The following DNAI3 variants were observed in gnomAD, a reference collection of about 807,000 sequenced individuals.
DNAI3 encodes the protein WD repeat domain 63.
DNAI3 carries 83 observed loss-of-function variants against 115.5 expected under a neutral mutation model. The observed-to-expected ratio is 0.72, with a 90% CI of 0.60 to 0.86. The LOEUF is 0.86. Ranked by LOEUF, DNAI3 falls within the 40% of genes least tolerant of loss-of-function variation. DNAI3 has a pLI of 0.00. For missense variants in DNAI3, 1,004 were observed against 1,075.8 expected (o/e 0.93, Z 0.93); for synonymous variants, 320 against 347.0 (o/e 0.92, Z 0.86).
At chr1:85,126,777 TC>T in intron 20 of DNAI3, 62 bp downstream of exon 20, 1 of 1,579,060 alleles carries the variant, frequency 6.3e-7, no homozygotes, top group South Asian at 1.1e-5. Context: ...ATCTTGACAT[TC>T]ATCTGAAAAG....
Position 85,098,673 on chromosome 1 carries a change from C to T in DNAI3, c.1479+15C>T, listed in dbSNP as rs1655199276. On this transcript the variant is annotated intron_variant, in intron 13 of 22. Coordinates refer to ENST00000294664, the MANE Select transcript of DNAI3 (RefSeq NM_145172.5). Reference sequence around the variant, plus strand: ...ACACATTTGAGGTGAGACTTGATGGCCTTATACTTTTCTCCTGCTGAATTA... The same window carrying T: ...ACACATTTGAGGTGAGACTTGATGGTCTTATACTTTTCTCCTGCTGAATTA... The T allele has an allele frequency of 1.2e-6, 2 of 1,607,524 alleles. No homozygotes were observed. Among genetic ancestry groups the T allele is most frequent in the Non-Finnish European group, 1.7e-6 (2 of 1,178,082 alleles).
intron 19 of DNAI3, among the ~76,000 whole-genome samples, chr1:85,124,544 G>T (rs1165100229): frequency 6.6e-6 from 1 of 152,040 alleles, no homozygotes; most frequent in Non-Finnish European, 1.5e-5. Context: ...ATTTTTTGGG[G>T]GTGGGGGCCA....
intron 9 of DNAI3, 31 bp downstream of exon 9, chr1:85,093,679 G>C: frequency 6.2e-7 from 1 of 1,612,412 alleles, no homozygotes; most frequent in Non-Finnish European, 8.5e-7. Context: ...ATTCCCTTTT[G>C]TGATAACATT....
At chr1:85,110,207 T>G (rs1442934571) in intron 16 of DNAI3, 72 bp downstream of exon 16, 46 of 1,378,234 alleles carry the variant, frequency 3.3e-5, no homozygotes, top group Non-Finnish European at 4.5e-5. Context: ...ATCCCAGCAC[T>G]TCGGGAGGCT....
chr1:85,079,739 C>T (rs530214633), intron 3 of DNAI3, among the ~76,000 whole-genome samples: 35 of 152,178 alleles, frequency 2.3e-4, no homozygotes, highest in Admixed American at 1.1e-3. Context: ...TCCACCCTCC[C>T]AGGGCATGCT....
In DNAI3 at chr1:85,071,923, TGCA is replaced by T. The variant is rs752647474; in HGVS notation, c.-14-2_-14del. 2.5e-6 allele frequency: 4 copies of T among 1,602,110 alleles called. No individual in the cohort carries two copies. In the Admixed American group the frequency reaches 7.2e-5, roughly 29 times the overall value. On this transcript the variant is annotated splice_acceptor_variant and splice_polypyrimidine_tract_variant and intron_variant, in intron 1 of 22. Coordinates refer to ENST00000294664, the MANE Select transcript of DNAI3 (RefSeq NM_145172.5). LOFTEE classifies it low-confidence loss of function (5UTR_SPLICE). ...ATTTACTAATAATATCATCTCTTTA[TGCA>T]GCCCAAGTCAGAACCATGGCTCCAA...
Position 85,086,528 on chromosome 1 carries a change from C to T in DNAI3, c.740+498C>T, listed in dbSNP as rs77493278. 3.5e-3 allele frequency among the ~76,000 whole-genome samples: 528 copies of T among 152,262 alleles called. 5 individuals are homozygous for T. The highest frequency in any genetic ancestry group is 0.012 in the African/African-American group (502 of 41,536). On this transcript the variant is annotated intron_variant, in intron 7 of 22. Transcript: ENST00000294664. ...TCTCCAGTCCCATCATCCCTTGTTCCTAAACAAGCTCTCTGTGTGCCAGCC... is the reference window on the plus strand; with the variant it reads ...TCTCCAGTCCCATCATCCCTTGTTCTTAAACAAGCTCTCTGTGTGCCAGCC...
intron 8 of DNAI3, 60 bp from the exon 9 acceptor site, chr1:85,093,398 T>A: frequency 6.7e-7 from 1 of 1,492,946 alleles, no homozygotes. Context: ...GCTAAGATAG[T>A]CACATTATTG....
chr1:85,131,073 T>C (rs912308104), intron 22 of DNAI3, among the ~76,000 whole-genome samples: 1 of 152,200 alleles, frequency 6.6e-6, no homozygotes, highest in African/African-American at 2.4e-5. Context: ...TCATCATTGA[T>C]CTCATCTGTA....
chr1:85,084,278 A>ATATATATACC (rs1553165786), intron 5 of DNAI3, among the ~76,000 whole-genome samples: 1 of 30,208 alleles, frequency 3.3e-5, no homozygotes. Flanking sequence ...ATATATATAT[A>ATATATATACC]CACATCCATA....
intron 21 of DNAI3, among the ~76,000 whole-genome samples, chr1:85,129,558 T>C (rs920422826): frequency 4.6e-5 from 7 of 151,908 alleles, no homozygotes; most frequent in South Asian, 4.2e-4. Flanking sequence ...CTAAGTTTGA[T>C]TGATGATATG....
chr1:85,091,805 G>T (rs530377563), intron 8 of DNAI3, among the ~76,000 whole-genome samples: 2 of 152,134 alleles, frequency 1.3e-5, no homozygotes, highest in Non-Finnish European at 2.9e-5. Context: ...TGTTACTCTC[G>T]GGAGCTACAT....
chr1:85,125,528 A>G (rs1656107102), intron 19 of DNAI3, among the ~76,000 whole-genome samples: 1 of 109,714 alleles, frequency 9.1e-6, no homozygotes, highest in African/African-American at 2.8e-5. Flanking sequence ...GTACTTCTGT[A>G]TGTTTGATTT....
intron 16 of DNAI3, among the ~76,000 whole-genome samples, chr1:85,116,868 G>GTT (rs1655835725): frequency 6.6e-6 from 1 of 152,132 alleles, no homozygotes; most frequent in Non-Finnish European, 1.5e-5. Flanking sequence ...AACAAAGAGA[G>GTT]TATTGGTTGA....
chr1:85,088,246 A>G (rs1654855391), intron 7 of DNAI3, among the ~76,000 whole-genome samples: 1 of 152,178 alleles, frequency 6.6e-6, no homozygotes, highest in South Asian at 2.1e-4. Flanking sequence ...CTCAGTAGGT[A>G]GACTCAGAAT....
intron 13 of DNAI3, among the ~76,000 whole-genome samples, chr1:85,099,863 C>CAAT (rs1056626114): frequency 2.0e-5 from 3 of 152,086 alleles, no homozygotes; most frequent in African/African-American, 7.2e-5. Flanking sequence ...GAAAAACAAG[C>CAAT]AATGGGGAAA....
intron 16 of DNAI3, among the ~76,000 whole-genome samples, chr1:85,110,623 G>A (rs1168746536): frequency 2.0e-5 from 3 of 151,872 alleles, no homozygotes; most frequent in Non-Finnish European, 4.4e-5. Flanking sequence ...TATTGCCAAC[G>A]CATTAAAATT....
intron 5 of DNAI3, among the ~76,000 whole-genome samples, chr1:85,083,782 C>T (rs972239459): frequency 6.6e-6 from 1 of 151,952 alleles, no homozygotes; most frequent in Non-Finnish European, 1.5e-5. Context: ...TCCCTAATTC[C>T]ATTTTCTTTA....
Position 85,110,154 on chromosome 1 carries a change from T to TA in DNAI3, c.1786+19_1786+20insA. The TA allele has an allele frequency of 4.4e-6, 7 of 1,596,820 alleles. No individual in the cohort carries two copies. The highest frequency in any genetic ancestry group is 1.8e-5 in the Admixed American group (1 of 56,676). On this transcript the variant is annotated intron_variant, in intron 16 of 22. Coordinates refer to ENST00000294664, the MANE Select transcript of DNAI3 (RefSeq NM_145172.5). ...ACACAAGGTAACTGCCTTTGCTTAT[T>TA]TAAAAAAAAAAAAAAGGCCGGGCGC...
Sources: allele counts gnomAD v4.1 joint callset (sites outside exome capture counted in the v4.1 genomes callset), GRCh38; gene constraint gnomAD v4.1.1; transcripts MANE v1.5; gene names NCBI Gene and HGNC (gene_info 2026-07-23, HGNC 2026-07-21).